The following KLHL24 variants were observed in gnomAD, a reference collection of about 807,000 sequenced individuals.
KLHL24 encodes the protein kelch-like protein 24.
KLHL24 carries 29 observed loss-of-function variants against 53.4 expected under a neutral mutation model. The ratio of observed to expected loss-of-function variants is 0.54; its 90% CI spans 0.40 to 0.74. The LOEUF is 0.74. KLHL24 is among the 30% of genes least tolerant of loss of function. The pLI, the probability that KLHL24 is intolerant of heterozygous loss-of-function variation, is 0.00. For missense variants in KLHL24, 504 were observed against 744.0 expected, an observed-to-expected ratio of 0.68 and a Z score of 3.75; for synonymous variants, 222 against 253.7, an observed-to-expected ratio of 0.88 and a Z score of 1.19.
Position 183,650,823 on chromosome 3 carries a change from C to G in KLHL24, c.467C>G (p.Ala156Gly). The G allele has an allele frequency of 1.2e-6, 2 of 1,614,004 alleles. No individual in the cohort carries two copies. Among genetic ancestry groups the G allele is most frequent in the Non-Finnish European group, 1.7e-6 (2 of 1,179,974 alleles). ...FQISVLRDAC[A>G]KFLEEQLDPC... ...ATTAGTGTTCTCCGTGATGCATGTG[C>G]CAAGTTCTTGGAGGAGCAACTTGAT... Residue 156 changes from alanine (A) to glycine (G), a missense_variant, in exon 3 of 8, where the codon GCC becomes GGC. Ala to Gly is a moderately conservative substitution (Grantham distance 60). Transcript: ENST00000242810. The surrounding 1 kb of genome is among the most constrained non-coding windows in gnomAD (Gnocchi z 4.5).
rs1455896635 is a variant in KLHL24, at chr3:183,682,114, A to C, written c.*2828A>C. 1 of 152,162 alleles carries C rather than the reference A, an allele frequency of 6.6e-6. No homozygotes were observed. Among genetic ancestry groups the C allele is most frequent in the African/African-American group, 2.4e-5 (1 of 41,456 alleles). 9.4% of individuals were successfully genotyped at this position (152,162 alleles called of 1,614,324 possible). ...TGATGAGTATTAGTAACGATGACTT[A>C]TGTATAATCAGAATCTTTATGACAA... is the stretch of plus-strand genomic sequence containing the variant. On this transcript the variant is annotated 3_prime_UTR_variant, in exon 8 of 8. Transcript: ENST00000242810.
intron 5 of KLHL24, among the ~76,000 whole-genome samples, chr3:183,669,791 G>C (rs1287531732): frequency 1.3e-5 from 2 of 152,166 alleles, no homozygotes; most frequent in East Asian, 3.9e-4. Context: ...AGGCCAGGAG[G>C]TTATTTGAGA....
Position 183,684,108 on chromosome 3 carries a change from G to C in KLHL24, c.*4822G>C, listed in dbSNP as rs916581579. The C allele has an allele frequency of 6.6e-6, 1 of 151,084 alleles. No homozygotes were observed. The highest frequency in any genetic ancestry group is 2.5e-5 in the African/African-American group (1 of 40,558). 9.4% of individuals were successfully genotyped at this position (151,084 alleles called of 1,614,324 possible). On this transcript the variant is annotated 3_prime_UTR_variant, in exon 8 of 8. Coordinates refer to ENST00000242810, the MANE Select transcript of KLHL24 (RefSeq NM_017644.3). ...ATACTTATTTTTGTTCCATACTTATGTACAATTTTTTCCCTCTTCAGGCTT... is the reference window on the plus strand; with the variant it reads ...ATACTTATTTTTGTTCCATACTTATCTACAATTTTTTCCCTCTTCAGGCTT...
intron 3 of KLHL24, among the ~76,000 whole-genome samples, chr3:183,659,967 T>G (rs1480129783): frequency 6.6e-6 from 1 of 151,018 alleles, no homozygotes; most frequent in African/African-American, 2.4e-5. Flanking sequence ...GGTGGTGGTG[T>G]TTTTTTTTCT....
intron 1 of KLHL24, among the ~76,000 whole-genome samples, chr3:183,637,722 C>T (rs903252074): frequency 1.3e-5 from 2 of 152,122 alleles, no homozygotes; most frequent in Non-Finnish European, 2.9e-5. Flanking sequence ...TCACCCAGGC[C>T]ATCTCAGCTC....
intron 2 of KLHL24, among the ~76,000 whole-genome samples, 182 bp downstream of exon 2, chr3:183,643,724 G>A (rs558040811): frequency 6.6e-6 from 1 of 152,264 alleles, no homozygotes; most frequent in East Asian, 1.9e-4. Flanking sequence ...CCACTCTTCT[G>A]TGCTTTCCTG....
intron 3 of KLHL24, among the ~76,000 whole-genome samples, chr3:183,658,768 G>T (rs1030775024): frequency 1.3e-5 from 2 of 151,362 alleles, no homozygotes; most frequent in Non-Finnish European, 2.9e-5. Context: ...AAGTGAAAGT[G>T]GTATCTCATA....
chr3:183,668,914 A>G (rs1176408274), intron 5 of KLHL24, among the ~76,000 whole-genome samples: 1 of 152,044 alleles, frequency 6.6e-6, no homozygotes, highest in Non-Finnish European at 1.5e-5. Flanking sequence ...AAAAGGAAAA[A>G]AATCTTAGAG....
chr3:183,674,480 C>T (rs1711522740), intron 7 of KLHL24, among the ~76,000 whole-genome samples: 1 of 152,038 alleles, frequency 6.6e-6, no homozygotes, highest in Non-Finnish European at 1.5e-5. Context: ...CCTGCCTCAG[C>T]CTCCCGAGTA....
At chr3:183,640,577 CT>C (rs1485885078) in intron 1 of KLHL24, among the ~76,000 whole-genome samples, 1 of 139,760 alleles carries the variant, frequency 7.2e-6, no homozygotes, top group Admixed American at 7.0e-5. Flanking sequence ...GTTACCTTTT[CT>C]TTTTTTTCTT....
At chr3:183,660,829 G>T (rs1207528902) in intron 3 of KLHL24, among the ~76,000 whole-genome samples, 1 of 151,836 alleles carries the variant, frequency 6.6e-6, no homozygotes, top group East Asian at 2.0e-4. Context: ...AGGCCGAGGC[G>T]GGTGGATCAT....
rs1393529369 is a variant in KLHL24 at position 183,680,273 on chromosome 3, C to T, written c.*987C>T. ...GCACACGGCACCCTAGCCTGGGCAA[C>T]AGGTTGCGACACTGTCTCAAGAGAA... On this transcript the variant is annotated 3_prime_UTR_variant, in exon 8 of 8. Coordinates refer to ENST00000242810, the MANE Select transcript of KLHL24 (RefSeq NM_017644.3). 2 of 152,166 alleles carry T rather than the reference C, an allele frequency of 1.3e-5. No homozygotes were observed. The highest frequency in any genetic ancestry group is 2.4e-5 in the African/African-American group (1 of 41,424). 9.4% of individuals were successfully genotyped at this position (152,166 alleles called of 1,614,324 possible).
At position 183,682,391 on chromosome 3, in the gene KLHL24, G is replaced by A. The variant is rs1258441475; in HGVS notation, c.*3105G>A. ...TACTGCACAGGTATGAAATACTAGT[G>A]TATTGGATCTTCAGTAACCTTTTTA... On this transcript the variant is annotated 3_prime_UTR_variant, in exon 8 of 8. Transcript: ENST00000242810. The A allele has an allele frequency of 2.0e-5, 3 of 152,486 alleles. No homozygotes were observed. The highest frequency in any genetic ancestry group is 6.5e-5 in the Admixed American group (1 of 15,274). The allele number at this position is 152,486 out of a possible 1,614,324, so 9.4% of individuals were successfully genotyped here.
rs758115873 is a variant in KLHL24 at position 183,650,491 on chromosome 3, A to C, written c.135A>C (p.Gly45=). The part of the protein sequence containing the change: ...TGHEFFDFSS[G]SSHAENILQI... ...ATGAGTTTTTTGACTTCTCTTCAGG[A>C]TCATCCCATGCCGAAAACATACTCC... Residue 45 remains glycine, a synonymous_variant, in exon 3 of 8, where the codon GGA becomes GGC. Coordinates refer to ENST00000242810, the MANE Select transcript of KLHL24 (RefSeq NM_017644.3). The surrounding 1 kb of genome is among the most constrained non-coding windows in gnomAD (Gnocchi z 4.5). 6.2e-7 allele frequency: 1 copy of C among 1,614,136 alleles called. No individual in the cohort carries two copies. The highest frequency in any genetic ancestry group is 2.2e-5 in the East Asian group (1 of 44,886).
intron 7 of KLHL24, among the ~76,000 whole-genome samples, chr3:183,676,403 CAT>C (rs2108896745): frequency 1.3e-5 from 2 of 152,286 alleles, no homozygotes; most frequent in African/African-American, 4.8e-5. Flanking sequence ...GCCTTATGCA[CAT>C]GTTATTGATA....
chr3:183,651,693 A>G (rs9829681), intron 3 of KLHL24, among the ~76,000 whole-genome samples: 61,345 of 152,086 alleles, frequency 0.4, 15,606 homozygotes, highest in African/African-American at 0.73. Flanking sequence ...AGGGGCTCAC[A>G]CCTATAATCC....
intron 7 of KLHL24, among the ~76,000 whole-genome samples, chr3:183,675,250 G>A (rs533568401): frequency 3.3e-5 from 5 of 152,218 alleles, no homozygotes; most frequent in African/African-American, 1.2e-4. Context: ...TAGATTATAA[G>A]GATAGTGAAT....
At chr3:183,655,814 C>T (rs779687339) in intron 3 of KLHL24, among the ~76,000 whole-genome samples, 13 of 151,748 alleles carry the variant, frequency 8.6e-5, no homozygotes, top group Non-Finnish European at 1.6e-4. Context: ...CCCATCTACT[C>T]GGGAGGCTGA....
intron 2 of KLHL24, among the ~76,000 whole-genome samples, chr3:183,646,632 T>C (rs928900756): frequency 6.6e-6 from 1 of 152,182 alleles, no homozygotes; most frequent in Admixed American, 6.6e-5. Context: ...GGCATATATC[T>C]GTCCAGAGAA....
Sources: allele counts gnomAD v4.1 joint callset (sites outside exome capture counted in the v4.1 genomes callset), GRCh38; gene constraint gnomAD v4.1.1; non-coding constraint Gnocchi (gnomAD v3.1); transcripts MANE v1.5; gene names NCBI Gene and HGNC (gene_info 2026-07-23, HGNC 2026-07-21).